The following ALCAM variants were observed in gnomAD, a reference collection of about 807,000 sequenced individuals.
ALCAM encodes activated leukocyte cell adhesion molecule, also known as CD166 antigen.
Under a neutral mutation model 70.9 loss-of-function variants are expected in ALCAM, and 30 were observed. The observed-to-expected ratio is 0.42, with a 90% CI of 0.32 to 0.57. The LOEUF (loss-of-function observed/expected upper bound fraction) is 0.57. ALCAM is among the 20% of genes least tolerant of loss of function. ALCAM has a pLI of 0.11. For synonymous variants in ALCAM, 249 were observed against 242.5 expected (o/e 1.03, Z -0.25); for missense variants, 591 against 695.1 (o/e 0.85, Z 1.68).
At chr3:105,475,102 A>G (rs533700288) in intron 1 of ALCAM, among the ~76,000 whole-genome samples, 3 of 151,974 alleles carry the variant, frequency 2.0e-5, no homozygotes, top group Admixed American at 1.3e-4. Context: ...CAGTGGCTGA[A>G]AACCTGGCAA....
At chr3:105,484,996 A>G (rs1449249446) in intron 1 of ALCAM, among the ~76,000 whole-genome samples, 1 of 152,134 alleles carries the variant, frequency 6.6e-6, no homozygotes, top group East Asian at 1.9e-4. Context: ...ATTCTAAAAT[A>G]TTCAGATAGG....
At chr3:105,460,033 G>T (rs1234895193) in intron 1 of ALCAM, among the ~76,000 whole-genome samples, 2 of 152,042 alleles carry the variant, frequency 1.3e-5, no homozygotes, top group Admixed American at 6.6e-5. Flanking sequence ...AAGCATCTAG[G>T]TGAGAGGAAG....
At position 105,552,488 on chromosome 3, in the gene ALCAM, A is replaced by C; in HGVS notation, c.1567A>C (p.Asn523His). ...TGCAGATGAAAACAGAGAAAAGGTGAATGACCAGGCAAAACTAATTGTGGG... is the reference window on the plus strand; with the variant it reads ...TGCAGATGAAAACAGAGAAAAGGTGCATGACCAGGCAAAACTAATTGTGGG... ...EISDENREKV[N>H]DQAKLIVGIV... Residue 523 changes from asparagine to histidine, a missense_variant, in exon 14 of 16, where the codon AAT (asparagine) becomes CAT (histidine). Coordinates refer to ENST00000306107, the MANE Select transcript of ALCAM (RefSeq NM_001627.4). The C allele has an allele frequency of 6.2e-7, 1 of 1,611,778 alleles. No homozygotes were observed. Among genetic ancestry groups the C allele is most frequent in the Non-Finnish European group, 8.5e-7 (1 of 1,178,348 alleles).
Position 105,409,964 on chromosome 3 carries a change from T to TA in ALCAM, c.73+42484dup, listed in dbSNP as rs533673232. On this transcript the variant is annotated intron_variant, in intron 1 of 15. Coordinates refer to ENST00000306107, the MANE Select transcript of ALCAM (RefSeq NM_001627.4). ...ATGCTCCATGAGAGAGGTACTTTGT[T>TA]ACAACTGATGACCCCAGCGTTGACA... is the stretch of plus-strand genomic sequence containing the variant. Among the ~76,000 whole-genome samples, 112 of 152,234 alleles carry TA rather than the reference T, an allele frequency of 7.4e-4. 1 individual carries two copies. The South Asian group carries it at 0.011, about 15-fold the overall frequency.
chr3:105,413,891 T>C lies in ALCAM; in HGVS notation c.73+46410T>C, dbSNP rs575956277. ...AATAAATAATTAGTTAGGCCTAATA[T>C]GGTCATGTGCCATGATGTTATTTAT... On this transcript the variant is annotated intron_variant, in intron 1 of 15. Coordinates refer to ENST00000306107, the MANE Select transcript of ALCAM (RefSeq NM_001627.4). Among the ~76,000 whole-genome samples the C allele has an allele frequency of 2.6e-5, 4 of 152,278 alleles. No homozygotes were observed. The East Asian group carries it at 7.7e-4, about 29-fold the overall frequency.
chr3:105,474,668 CT>C (rs1396455260), intron 1 of ALCAM, among the ~76,000 whole-genome samples: 2 of 151,270 alleles, frequency 1.3e-5, no homozygotes, highest in Non-Finnish European at 3.0e-5. Context: ...AGGGCAATCT[CT>C]TTTTTTTACG....
At chr3:105,435,010 A>G (rs546070945) in intron 1 of ALCAM, among the ~76,000 whole-genome samples, 14 of 152,314 alleles carry the variant, frequency 9.2e-5, no homozygotes, top group African/African-American at 2.9e-4. Flanking sequence ...GGCTTGCTAT[A>G]TTATAGTCTT....
chr3:105,412,747 C>A (rs1457947179), intron 1 of ALCAM, among the ~76,000 whole-genome samples: 1 of 151,972 alleles, frequency 6.6e-6, no homozygotes, highest in Non-Finnish European at 1.5e-5. Context: ...TTCCTAGCCA[C>A]CTAATTTTGG....
chr3:105,411,351 G>A (rs1216039215), intron 1 of ALCAM, among the ~76,000 whole-genome samples: 2 of 152,044 alleles, frequency 1.3e-5, no homozygotes, highest in African/African-American at 4.8e-5. Flanking sequence ...GTAAAAGAAA[G>A]TACATTTTTC....
chr3:105,430,013 A>G (rs1936887942), intron 1 of ALCAM, among the ~76,000 whole-genome samples: 1 of 152,058 alleles, frequency 6.6e-6, no homozygotes, highest in African/African-American at 2.4e-5. Flanking sequence ...AGTCCTGCAC[A>G]ATTTTAAATC....
At chr3:105,390,829 C>G (rs1056398399) in intron 1 of ALCAM, among the ~76,000 whole-genome samples, 5 of 152,092 alleles carry the variant, frequency 3.3e-5, no homozygotes, top group Non-Finnish European at 5.9e-5. Flanking sequence ...CCAGTTTTCC[C>G]AGCACCATTT....
chr3:105,479,302 A>G (rs1472573936), intron 1 of ALCAM, among the ~76,000 whole-genome samples: 1 of 152,184 alleles, frequency 6.6e-6, no homozygotes, highest in African/African-American at 2.4e-5. Context: ...TGAGGCAAAT[A>G]TATACTACAG....
chr3:105,441,249 A>G (rs966972403), intron 1 of ALCAM, among the ~76,000 whole-genome samples: 4 of 151,928 alleles, frequency 2.6e-5, no homozygotes, highest in African/African-American at 9.7e-5. Flanking sequence ...GTTCTGAATC[A>G]GGTAATTGAT....
At chr3:105,465,793 TAC>T (rs1937701350) in intron 1 of ALCAM, among the ~76,000 whole-genome samples, 1 of 151,552 alleles carries the variant, frequency 6.6e-6, no homozygotes, top group Non-Finnish European at 1.5e-5. Context: ...TTGAAATTTT[TAC>T]AGTTTTTCAT....
chr3:105,518,798 T>C (rs1477732028), intron 1 of ALCAM, among the ~76,000 whole-genome samples: 1 of 152,100 alleles, frequency 6.6e-6, no homozygotes, highest in Admixed American at 6.6e-5. Context: ...ATGTTAAAAA[T>C]GCTGAAAACT....
intron 1 of ALCAM, among the ~76,000 whole-genome samples, chr3:105,486,801 G>A (rs1250162248): frequency 2.0e-5 from 3 of 152,036 alleles, no homozygotes; most frequent in South Asian, 4.1e-4. Flanking sequence ...TCAAGAAATA[G>A]TTTCCATTTA....
intron 3 of ALCAM, among the ~76,000 whole-genome samples, chr3:105,529,634 C>G (rs1939790785): frequency 2.0e-5 from 3 of 152,110 alleles, no homozygotes; most frequent in African/African-American, 7.2e-5. Flanking sequence ...AAAGACGAAT[C>G]ATAATGTAAA....
At chr3:105,369,310 A>C (rs1250698357) in intron 1 of ALCAM, among the ~76,000 whole-genome samples, 4 of 152,180 alleles carry the variant, frequency 2.6e-5, no homozygotes, top group Non-Finnish European at 4.4e-5. Context: ...TTCCGCTTTC[A>C]GACCTCCTTC....
chr3:105,550,129 A>G lies in ALCAM; in HGVS notation c.1377A>G (p.Thr459=). Residue 459 remains threonine (T), a splice_region_variant and synonymous_variant, in exon 12 of 16, where the codon ACA becomes ACG. Coordinates refer to ENST00000306107, the MANE Select transcript of ALCAM (RefSeq NM_001627.4). ...CACCTTTTTTCTTCTTTTTCCAGAC[A>G]GAGGAATCTCCTTATATTAATGGCA... ...ITGSGSVINQ[T]EESPYINGRY... The G allele has an allele frequency of 1.3e-6, 2 of 1,580,406 alleles. No homozygotes were observed. The highest frequency in any genetic ancestry group is 2.2e-5 in the East Asian group (1 of 44,496).
Sources: allele counts gnomAD v4.1 joint callset (sites outside exome capture counted in the v4.1 genomes callset), GRCh38; gene constraint gnomAD v4.1.1; transcripts MANE v1.5; gene names NCBI Gene and HGNC (gene_info 2026-07-23, HGNC 2026-07-21).